Variants in EDEM1 observed in about 807,000 individuals in gnomAD.
The protein encoded by EDEM1 is ER degradation-enhancing alpha-mannosidase-like protein 1.
A neutral mutation model predicts 74.4 loss-of-function variants in EDEM1; 67 were observed. The ratio of observed to expected loss-of-function variants is 0.90; its 90% CI spans 0.74 to 1.10. EDEM1 has a LOEUF of 1.10. Ranked by LOEUF, EDEM1 falls within the 50% of genes least tolerant of loss-of-function variation. The probability of loss-of-function intolerance (pLI) is 0.00; values close to 1 mark genes in which losing one functional copy is unlikely to be tolerated. For missense variants in EDEM1, 926 were observed against 851.6 expected (o/e 1.09, Z -1.09); for synonymous variants, 382 against 335.9 (o/e 1.14, Z -1.50).
chr3:5,208,232 A>G lies in EDEM1; in HGVS notation c.1478A>G (p.Glu493Gly). 1 of 1,612,032 alleles carries G rather than the reference A, an allele frequency of 6.2e-7. No individual in the cohort carries two copies. Among genetic ancestry groups the G allele is most frequent in the Non-Finnish European group, 8.5e-7 (1 of 1,179,598 alleles). The change falls in exon 8 of 12, where the codon GAG (glutamate) becomes GGG (glycine). Residue 493 changes from glutamate (E) to glycine (G), a missense_variant. Physicochemically the swap from Glu to Gly is moderately conservative, Grantham distance 98 (BLOSUM62 -2). Transcript: ENST00000256497. ...PDVLFYPLRP[E>G]LVESTYLLYQ... is the part of the protein sequence containing the mutation. ...GTTCTCTTCTACCCACTGAGACCAG[A>G]GTTAGTGGAATCCACATATCTCCTC...
chr3:5,214,060 A>T (rs535140895), intron 11 of EDEM1, among the ~76,000 whole-genome samples: 4 of 152,194 alleles, frequency 2.6e-5, no homozygotes, highest in Non-Finnish European at 5.9e-5. Context: ...CCCAATGAAG[A>T]TGCTCTTCGA....
In EDEM1 at chr3:5,211,120, G is replaced by T; in HGVS notation, c.1584G>T (p.Lys528Asn). 1 of 1,614,050 alleles carries T rather than the reference G, an allele frequency of 6.2e-7. No homozygotes were observed. Among genetic ancestry groups the T allele is most frequent in the Non-Finnish European group, 8.5e-7 (1 of 1,180,012 alleles). Residue 528 changes from lysine (K) to asparagine (N), a missense_variant and splice_region_variant, in exon 10 of 12, where the codon AAG (lysine) becomes AAT (asparagine). Physicochemically the swap from Lys to Asn is moderately conservative, Grantham distance 94 (BLOSUM62 0). Coordinates refer to ENST00000256497, the MANE Select transcript of EDEM1 (RefSeq NM_014674.3). ...GACTGACCAGATGATTGTTTTGTAG[G>T]TGTGGGTACGCCACGCTGCATCACG... ...LQSLEKYTKV[K>N]CGYATLHHVI...
intron 5 of EDEM1, 44 bp from the exon 6 acceptor site, chr3:5,205,023 C>A: frequency 6.2e-7 from 1 of 1,600,810 alleles, no homozygotes; most frequent in Non-Finnish European, 8.5e-7. Flanking sequence ...ATGTCCTCCC[C>A]GATGAGACAG....
intron 7 of EDEM1, 122 bp downstream of exon 7, chr3:5,207,395 A>G: frequency 3.1e-5 from 42 of 1,343,576 alleles, no homozygotes; most frequent in East Asian, 7.0e-5. Flanking sequence ...GGTCACTGAC[A>G]CTATACGTCT....
intron 1 of EDEM1, among the ~76,000 whole-genome samples, chr3:5,192,982 A>T (rs186994357): frequency 2.4e-4 from 36 of 151,934 alleles, no homozygotes; most frequent in African/African-American, 8.5e-4. Flanking sequence ...ATTGTAAAAA[A>T]TATTTTAAAA....
intron 1 of EDEM1, among the ~76,000 whole-genome samples, chr3:5,193,716 G>C (rs1461187465): frequency 6.6e-6 from 1 of 152,006 alleles, no homozygotes; most frequent in Non-Finnish European, 1.5e-5. Context: ...TTCTGCCTCA[G>C]CCTCCCTAGT....
chr3:5,205,696 G>C (rs1465347108), intron 6 of EDEM1, among the ~76,000 whole-genome samples: 1 of 152,218 alleles, frequency 6.6e-6, no homozygotes, highest in Non-Finnish European at 1.5e-5. Context: ...CCTCTTTGTA[G>C]GTAGCTTATG....
At position 5,188,681 on chromosome 3, in the gene EDEM1, A is replaced by C. The variant is rs532133677; in HGVS notation, c.509+367A>C. On this transcript the variant is annotated intron_variant, in intron 1 of 11. Coordinates refer to ENST00000256497, the MANE Select transcript of EDEM1 (RefSeq NM_014674.3). Reference sequence around the variant, plus strand: ...GACCCCTTCCTCCGGATGAGCATAAACTCTAAATGAAATCTCCATCATGCC... The same window carrying C: ...GACCCCTTCCTCCGGATGAGCATAACCTCTAAATGAAATCTCCATCATGCC... Among the ~76,000 whole-genome samples, 14 of 152,162 alleles carry C rather than the reference A, an allele frequency of 9.2e-5. No individual in the cohort carries two copies. In the South Asian group the frequency reaches 2.9e-3, roughly 32 times the overall value.
chr3:5,208,248 A>C lies in EDEM1; in HGVS notation c.1494A>C (p.Thr498=), dbSNP rs747459729. 30 of 1,608,944 alleles carry C rather than the reference A, an allele frequency of 1.9e-5. No individual in the cohort carries two copies. Among genetic ancestry groups the C allele is most frequent in the Middle Eastern group, 1.6e-4 (1 of 6,064 alleles). The part of the protein sequence containing the change: ...YPLRPELVES[T]YLLYQATKNP... Reference sequence around the variant, plus strand: ...TGAGACCAGAGTTAGTGGAATCCACATATCTCCTCTACCAGGTACTAGAGT... The same window carrying C: ...TGAGACCAGAGTTAGTGGAATCCACCTATCTCCTCTACCAGGTACTAGAGT... The change falls in exon 8 of 12, where the codon ACA becomes ACC. Residue 498 remains threonine (T), a synonymous_variant. Transcript: ENST00000256497.
rs767494012 is a variant in EDEM1 at position 5,215,845 on chromosome 3, A to C, written c.1901A>C (p.Asp634Ala). 6.2e-7 allele frequency: 1 copy of C among 1,613,066 alleles called. No homozygotes were observed. The highest frequency in any genetic ancestry group is 1.1e-5 in the South Asian group (1 of 90,780). Reference protein sequence around the residue: ...NSSSNCNRVPDERRYSLPLKS... With the variant: ...NSSSNCNRVPAERRYSLPLKS... ...TCTTTCTAGTGCAATCGTGTACCTG[A>C]TGAGAGGAGGTACTCCCTGCCCTTA... is the stretch of plus-strand genomic sequence containing the variant. Residue 634 changes from aspartate to alanine, a missense_variant, in exon 12 of 12, where the codon GAT (aspartate) becomes GCT (alanine). Physicochemically the swap from Asp to Ala is moderately radical, Grantham distance 126. Transcript: ENST00000256497.
At position 5,219,788 on chromosome 3, in the gene EDEM1, G is replaced by A. The variant is rs1450954033; in HGVS notation, c.*3870G>A. On this transcript the variant is annotated 3_prime_UTR_variant, in exon 12 of 12. Coordinates refer to ENST00000256497, the MANE Select transcript of EDEM1 (RefSeq NM_014674.3). ...GTAATGTGCAATATGCTTTGCAACT[G>A]TAGATGATATTTTATGTTTAATCTG... 6.6e-6 allele frequency: 1 copy of A among 152,588 alleles called. No individual in the cohort carries two copies. The highest frequency in any genetic ancestry group is 1.5e-5 in the Non-Finnish European group (1 of 68,032). 9.5% of individuals were successfully genotyped at this position (152,588 alleles called of 1,614,324 possible). A position where few individuals can be genotyped will look rare whatever the true frequency, so the allele number is the denominator to read the frequency against.
intron 9 of EDEM1, among the ~76,000 whole-genome samples, chr3:5,210,885 G>A (rs755024864): frequency 1.3e-5 from 2 of 152,046 alleles, no homozygotes; most frequent in Admixed American, 6.6e-5. Context: ...CCAGCACCCC[G>A]CCACCACGCC....
Position 5,218,562 on chromosome 3 carries a change from G to A in EDEM1, c.*2644G>A, listed in dbSNP as rs1294577151. The A allele has an allele frequency of 1.3e-5, 2 of 152,114 alleles. No homozygotes were observed. The highest frequency in any genetic ancestry group is 1.3e-4 in the Admixed American group (2 of 15,272). 9.4% of individuals were successfully genotyped at this position (152,114 alleles called of 1,614,324 possible). ...ATCCTTTGCGGCGGCTCTGAGCCTG[G>A]CCCATCTTCCTATTCCCACGTGTAG... On this transcript the variant is annotated 3_prime_UTR_variant, in exon 12 of 12. Transcript: ENST00000256497.
At chr3:5,206,985 C>G (rs1237802658) in intron 6 of EDEM1, among the ~76,000 whole-genome samples, 168 bp from the exon 7 acceptor site, 1 of 152,204 alleles carries the variant, frequency 6.6e-6, no homozygotes, top group Non-Finnish European at 1.5e-5. Flanking sequence ...CTGCTAGAGT[C>G]TAATGTAGAT....
chr3:5,195,124 A>G (rs2106589521), intron 1 of EDEM1, 85 bp from the exon 2 acceptor site: 3 of 702,392 alleles, frequency 4.3e-6, no homozygotes, highest in Non-Finnish European at 4.3e-6. Context: ...GTTGCTGGCA[A>G]TTATAGTTTC....
At chr3:5,210,768 C>G (rs1479168124) in intron 9 of EDEM1, among the ~76,000 whole-genome samples, 1 of 151,254 alleles carries the variant, frequency 6.6e-6, no homozygotes, top group Non-Finnish European at 1.5e-5. Flanking sequence ...AATAATAAGT[C>G]AATTCTCAAT....
At chr3:5,194,201 T>C (rs1171989118) in intron 1 of EDEM1, among the ~76,000 whole-genome samples, 1 of 152,228 alleles carries the variant, frequency 6.6e-6, no homozygotes, top group Non-Finnish European at 1.5e-5. Flanking sequence ...TGCATCTTGC[T>C]GGAAATAAAA....
chr3:5,190,127 T>C (rs981042568), intron 1 of EDEM1, among the ~76,000 whole-genome samples: 3 of 152,232 alleles, frequency 2.0e-5, no homozygotes, highest in Admixed American at 6.5e-5. Flanking sequence ...TCCCACCAGC[T>C]ATTTTAAATT....
At position 5,201,928 on chromosome 3, in the gene EDEM1, G is replaced by A. The variant is rs2055040044; in HGVS notation, c.858+4G>A. The A allele has an allele frequency of 4.3e-6, 7 of 1,611,230 alleles. No individual in the cohort carries two copies. In the East Asian group the frequency reaches 1.6e-4, roughly 36 times the overall value. ...GACAGGGATTCCATATCCTCGGGTG[G>A]GTAGACTGGTTTGACCCTTTGTGTT... On this transcript the variant is annotated splice_donor_region_variant and intron_variant, in intron 4 of 11. Transcript: ENST00000256497.
Sources: allele counts gnomAD v4.1 joint callset (sites outside exome capture counted in the v4.1 genomes callset), GRCh38; gene constraint gnomAD v4.1.1; transcripts MANE v1.5; gene names NCBI Gene and HGNC (gene_info 2026-07-23, HGNC 2026-07-21).